NIBAN1: variants seen among roughly 807,000 people sequenced by gnomAD.
NIBAN1 encodes protein Niban 1.
Under a neutral mutation model 75.1 loss-of-function variants are expected in NIBAN1, and 81 were observed. That is an observed-to-expected ratio of 1.08 (90% CI 0.90 to 1.30). The LOEUF is 1.30. NIBAN1 is among the 50% of genes most tolerant of loss of function. The pLI is 0.00. For synonymous variants in NIBAN1, 436 were observed against 424.8 expected (o/e 1.03, Z -0.32); for missense variants, 1,133 against 1,128.1 (o/e 1.00, Z -0.06).
intron 5 of NIBAN1, among the ~76,000 whole-genome samples, chr1:184,865,658 A>G (rs1156507570): frequency 6.6e-6 from 1 of 152,226 alleles, no homozygotes. Context: ...GTCACAGCCA[A>G]CAAAACAGTG....
At chr1:184,808,367 A>G (rs562704635) in intron 9 of NIBAN1, 132 bp from the exon 10 acceptor site, 73 of 860,478 alleles carry the variant, frequency 8.5e-5, no homozygotes, top group Non-Finnish European at 1.1e-4. Flanking sequence ...GGATCCCTAC[A>G]TCTGTGACAC....
At chr1:184,941,652 CAAA>C (rs1190148311) in intron 1 of NIBAN1, among the ~76,000 whole-genome samples, 10 of 72,210 alleles carry the variant, frequency 1.4e-4, no homozygotes, top group Admixed American at 3.3e-4. Flanking sequence ...GACCCTGTCT[CAAA>C]AAAAAAAAAA....
Position 184,867,809 on chromosome 1 carries a change from G to A in NIBAN1, c.601+16824C>T, listed in dbSNP as rs181749310. 40 of 962,820 alleles carry A rather than the reference G, an allele frequency of 4.2e-5. 1 individual carries two copies. Among genetic ancestry groups the A allele is most frequent in the Non-Finnish European group, 4.7e-5 (38 of 809,246 alleles). The allele number at this position is 962,820 out of a possible 1,614,324, so 59.6% of individuals were successfully genotyped here. ...GTTTATAAGCAATGACTGTGTTTTCGGTTTGTTTTGCCCCCAGCATCTAAG... is the reference window on the plus strand; with the variant it reads ...GTTTATAAGCAATGACTGTGTTTTCAGTTTGTTTTGCCCCCAGCATCTAAG... On this transcript the variant is annotated intron_variant, in intron 5 of 13. Coordinates refer to ENST00000367511, the MANE Select transcript of NIBAN1 (RefSeq NM_052966.4).
chr1:184,920,312 A>C (rs117072195), intron 1 of NIBAN1, among the ~76,000 whole-genome samples: 2 of 152,334 alleles, frequency 1.3e-5, no homozygotes, highest in East Asian at 3.9e-4. Context: ...TGATATTTTG[A>C]TATTTGCAAT....
rs1268434019 is a variant in NIBAN1, at chr1:184,851,466, T to G, written c.602-19504A>C. Among the ~76,000 whole-genome samples, 5 of 45,236 alleles carry G rather than the reference T, an allele frequency of 1.1e-4. 1 individual carries two copies. The East Asian group carries it at 2.3e-3, about 21-fold the overall frequency. The allele number at this position is 45,236 out of a possible 152,430, so 29.7% of individuals were successfully genotyped here. A position where few individuals can be genotyped will look rare whatever the true frequency, so the allele number is the denominator to read the frequency against. The stretch of plus-strand genomic sequence containing the variant: ...GGACACAGGAAGGGGAATATCACAC[T>G]TGGGGACTGTGGTGGGGTCGGGGGA... On this transcript the variant is annotated intron_variant, in intron 5 of 13. Transcript: ENST00000367511.
chr1:184,826,724 A>G (rs962792262), intron 6 of NIBAN1, among the ~76,000 whole-genome samples: 1 of 152,208 alleles, frequency 6.6e-6, no homozygotes, highest in African/African-American at 2.4e-5. Context: ...ATAATGTTCC[A>G]TTTGGGTGGG....
intron 1 of NIBAN1, among the ~76,000 whole-genome samples, chr1:184,916,987 A>G (rs1247310311): frequency 6.6e-6 from 1 of 152,112 alleles, no homozygotes; most frequent in Non-Finnish European, 1.5e-5. Context: ...TCCTATCCCT[A>G]AGAAAATCTT....
At chr1:184,811,502 T>G in intron 9 of NIBAN1, among the ~76,000 whole-genome samples, 2 of 126,486 alleles carry the variant, frequency 1.6e-5, no homozygotes, top group East Asian at 2.2e-4. Context: ...ACTTTCTTCC[T>G]TTTTTTTTTT....
At chr1:184,897,287 T>C (rs1656825819) in intron 2 of NIBAN1, among the ~76,000 whole-genome samples, 1 of 150,938 alleles carries the variant, frequency 6.6e-6, no homozygotes, top group East Asian at 1.9e-4. Context: ...AGTGTGTGTG[T>C]GTGTGTGTGT....
intron 5 of NIBAN1, among the ~76,000 whole-genome samples, chr1:184,834,184 G>T (rs1655077415): frequency 6.6e-6 from 1 of 152,146 alleles, no homozygotes; most frequent in South Asian, 2.1e-4. Context: ...CAAAGGACAT[G>T]AACTCATCCT....
At chr1:184,939,904 C>T (rs575541638) in intron 1 of NIBAN1, among the ~76,000 whole-genome samples, 1 of 152,230 alleles carries the variant, frequency 6.6e-6, no homozygotes, top group South Asian at 2.1e-4. Flanking sequence ...TTTGTATCTC[C>T]ACACTCCATT....
intron 6 of NIBAN1, among the ~76,000 whole-genome samples, chr1:184,831,623 T>A (rs484847): frequency 1.3e-5 from 2 of 152,080 alleles, no homozygotes; most frequent in Non-Finnish European, 2.9e-5. Flanking sequence ...ACTGTAGTTG[T>A]CATGTTTTTG....
chr1:184,936,063 G>T (rs1171245940), intron 1 of NIBAN1, among the ~76,000 whole-genome samples: 1 of 150,780 alleles, frequency 6.6e-6, no homozygotes, highest in African/African-American at 2.4e-5. Flanking sequence ...TCTATTGAAA[G>T]GTTTACACTT....
intron 1 of NIBAN1, among the ~76,000 whole-genome samples, chr1:184,958,838 C>T (rs1007340296): frequency 1.8e-4 from 27 of 152,144 alleles, no homozygotes; most frequent in Admixed American, 1.7e-3. Context: ...CTAACAAAAC[C>T]ATTTTAAATA....
At position 184,798,196 on chromosome 1, in the gene NIBAN1, GA is replaced by G; in HGVS notation, c.1555-7del. The stretch of plus-strand genomic sequence containing the variant: ...TGCTCGTATTTCTGAAGCTCCTGGA[GA>G]GCAAGAGATTAGAAGATAAAGATGA... On this transcript the variant is annotated splice_polypyrimidine_tract_variant and splice_region_variant and intron_variant, in intron 12 of 13. Coordinates refer to ENST00000367511, the MANE Select transcript of NIBAN1 (RefSeq NM_052966.4). 1 of 1,569,904 alleles carries G rather than the reference GA, an allele frequency of 6.4e-7. No individual in the cohort carries two copies. The highest frequency in any genetic ancestry group is 8.7e-7 in the Non-Finnish European group (1 of 1,146,024).
rs1006773400 is a variant in NIBAN1, at chr1:184,808,224, C to T, written c.1185G>A (p.Arg395=). ...DSVQLKEHLD[R]LMNLPLHSVK... is the part of the protein sequence containing the mutation. The stretch of plus-strand genomic sequence containing the variant: ...CGGAATGCAGCGGAAGATTCATAAG[C>T]CGGTCTAGATGCTGCATTTTGGTGA... Residue 395 remains arginine, a synonymous_variant, in exon 10 of 14, where the codon CGG becomes CGA. Transcript: ENST00000367511. 3 of 1,613,832 alleles carry T rather than the reference C, an allele frequency of 1.9e-6. No homozygotes were observed. Among genetic ancestry groups the T allele is most frequent in the Middle Eastern group, 1.6e-4 (1 of 6,084 alleles).
intron 5 of NIBAN1, among the ~76,000 whole-genome samples, chr1:184,855,922 C>T (rs1304251499): frequency 6.6e-6 from 1 of 152,080 alleles, no homozygotes; most frequent in Non-Finnish European, 1.5e-5. Flanking sequence ...ATGTTTCTAG[C>T]CGATTGGTAA....
intron 5 of NIBAN1, among the ~76,000 whole-genome samples, chr1:184,878,935 G>A (rs1172646171): frequency 6.6e-6 from 1 of 152,146 alleles, no homozygotes; most frequent in Non-Finnish European, 1.5e-5. Flanking sequence ...GTGAGGGGAA[G>A]TTGGGGAGGG....
At chr1:184,840,588 T>C (rs1329634964) in intron 5 of NIBAN1, among the ~76,000 whole-genome samples, 1 of 152,024 alleles carries the variant, frequency 6.6e-6, no homozygotes, top group South Asian at 2.1e-4. Flanking sequence ...CTAAAGGCAG[T>C]CCATCTCTTG....
Sources: gnomAD v4.1 joint callset for allele counts (sites outside exome capture counted in the v4.1 genomes callset) on GRCh38, gnomAD v4.1.1 for gene constraint, MANE v1.5 for transcripts, NCBI Gene and HGNC (gene_info 2026-07-23, HGNC 2026-07-21) for gene names.